The following FGD6 variants were observed in gnomAD, a reference collection of about 807,000 sequenced individuals.
FGD6 encodes the protein FYVE, RhoGEF and PH domain-containing protein 6.
In FGD6, 90 loss-of-function variants were observed where a neutral mutation model predicts 149.4. That is an observed-to-expected ratio of 0.60 (90% CI 0.51 to 0.72). FGD6 has a LOEUF of 0.72. Among genes scored for constraint, FGD6 ranks in the 30% least tolerant of loss-of-function variants. The probability of loss-of-function intolerance (pLI) is 0.00; values close to 1 mark genes in which losing one functional copy is unlikely to be tolerated. For synonymous variants in FGD6, 527 were observed against 584.0 expected (o/e 0.90, Z 1.41); for missense variants, 1,437 against 1,684.8 (o/e 0.85, Z 2.57).
intron 2 of FGD6, among the ~76,000 whole-genome samples, chr12:95,179,076 A>T (rs140515144): frequency 7.9e-5 from 12 of 152,314 alleles, no homozygotes; most frequent in Middle Eastern, 3.4e-3. Flanking sequence ...GCTTCAAATG[A>T]TGGATATTTT....
At chr12:95,087,426 C>A (rs1172224134) in intron 18 of FGD6, among the ~76,000 whole-genome samples, 1 of 152,174 alleles carries the variant, frequency 6.6e-6, no homozygotes, top group Admixed American at 6.5e-5. Flanking sequence ...TAGAAACTTT[C>A]TTCCTTGCTG....
At chr12:95,101,928 G>T (rs1878452205) in intron 14 of FGD6, among the ~76,000 whole-genome samples, 1 of 151,650 alleles carries the variant, frequency 6.6e-6, no homozygotes, top group South Asian at 2.1e-4. Flanking sequence ...TGATCCACCC[G>T]CCTCGGCCTC....
chr12:95,199,391 CA>C (rs1042441855), intron 2 of FGD6, among the ~76,000 whole-genome samples: 4 of 150,854 alleles, frequency 2.7e-5, no homozygotes, highest in African/African-American at 9.7e-5. Flanking sequence ...GATTACACAA[CA>C]AAAAAAAATC....
At chr12:95,132,693 A>G (rs61937891) in intron 8 of FGD6, among the ~76,000 whole-genome samples, 1,551 of 152,324 alleles carry the variant, frequency 0.01, 16 homozygotes, top group Non-Finnish European at 0.017. Flanking sequence ...CGGAGTTTGC[A>G]GTGAGCTGAG....
chr12:95,157,879 C>T (rs192693589), intron 3 of FGD6, among the ~76,000 whole-genome samples: 20 of 152,198 alleles, frequency 1.3e-4, no homozygotes, highest in Admixed American at 9.8e-4. Flanking sequence ...GACAGAGTCT[C>T]GTTCTGTCGC....
At chr12:95,149,921 A>G (rs1181224993) in intron 5 of FGD6, among the ~76,000 whole-genome samples, 4 of 147,154 alleles carry the variant, frequency 2.7e-5, no homozygotes, top group Non-Finnish European at 6.0e-5. Context: ...AATTATATAT[A>G]CAATACAAAG....
chr12:95,126,117 G>A lies in FGD6; in HGVS notation c.3082+8622C>T, dbSNP rs992198916. ...AGTTATGAAGGCAAAGAAAATGAGG[G>A]ACAGAATAATCAAGAATGAAGTTAA... On this transcript the variant is annotated intron_variant, in intron 8 of 20. Coordinates refer to ENST00000343958, the MANE Select transcript of FGD6 (RefSeq NM_018351.4). The A allele has an allele frequency of 2.4e-5, 25 of 1,049,132 alleles. No individual in the cohort carries two copies. The South Asian group carries it at 3.0e-4, about 13-fold the overall frequency. The allele number at this position is 1,049,132 out of a possible 1,614,324, so 65.0% of individuals were successfully genotyped here.
Position 95,186,225 on chromosome 12 carries a change from C to CTTTTTTTTTTTTTTTTTTTTTTTTTTT in FGD6, c.2442-13482_2442-13481insAAAAAAAAAAAAAAAAAAAAAAAAAAA, listed in dbSNP as rs1881428152. Among the ~76,000 whole-genome samples, 4 of 71,200 alleles carry CTTTTTTTTTTTTTTTTTTTTTTTTTTT rather than the reference C, an allele frequency of 5.6e-5. 2 individuals are homozygous for CTTTTTTTTTTTTTTTTTTTTTTTTTTT. The highest frequency in any genetic ancestry group is 9.6e-4 in the East Asian group (2 of 2,078). 46.7% of individuals were successfully genotyped at this position (71,200 alleles called of 152,430 possible). On this transcript the variant is annotated intron_variant, in intron 2 of 20. Coordinates refer to ENST00000343958, the MANE Select transcript of FGD6 (RefSeq NM_018351.4). Reference sequence around the variant, plus strand: ...AGCTAAGAATGCTTCTTATATTCTTCTTCTTTTTTTTTTTTTTTTTTTTTT... The same window carrying CTTTTTTTTTTTTTTTTTTTTTTTTTTT: ...AGCTAAGAATGCTTCTTATATTCTTCTTTTTTTTTTTTTTTTTTTTTTTTTTTTTCTTTTTTTTTTTTTTTTTTTTTT...
chr12:95,092,072 T>C (rs1290382006), intron 16 of FGD6, among the ~76,000 whole-genome samples: 2 of 152,188 alleles, frequency 1.3e-5, no homozygotes, highest in Non-Finnish European at 2.9e-5. Context: ...GCAGTTAATA[T>C]ATGCAAAATG....
chr12:95,152,283 G>A (rs575966416), intron 5 of FGD6, among the ~76,000 whole-genome samples: 4 of 152,002 alleles, frequency 2.6e-5, no homozygotes, highest in Non-Finnish European at 4.4e-5. Flanking sequence ...AGCTAAGATC[G>A]CACCACTGCA....
chr12:95,094,603 T>C lies in FGD6; in HGVS notation c.3589A>G (p.Ser1197Gly). ...GGAGAAAACAATACCTCATCAAGAC[T>C]CCTACTAGGACAGAAGGTGATTCTT... The part of the protein sequence containing the change: ...KKRITFCPSR[S>G]LDEADSENKE... The change falls in exon 15 of 21, where the codon AGT becomes GGT. Residue 1197 changes from serine to glycine, a missense_variant. Ser to Gly is a moderately conservative substitution (Grantham distance 56, BLOSUM62 0). Around this residue, in one of 2 missense-constraint regions of FGD6, gnomAD observed 382 missense variants for 538.7 expected, o/e 0.71. Coordinates refer to ENST00000343958, the MANE Select transcript of FGD6 (RefSeq NM_018351.4). The C allele has an allele frequency of 6.2e-7, 1 of 1,602,152 alleles. No homozygotes were observed. Among genetic ancestry groups the C allele is most frequent in the Non-Finnish European group, 8.5e-7 (1 of 1,172,726 alleles).
chr12:95,110,216 T>C (rs1029430081), intron 9 of FGD6, among the ~76,000 whole-genome samples: 7 of 152,044 alleles, frequency 4.6e-5, no homozygotes, highest in African/African-American at 1.7e-4. Context: ...GACCTCGTGA[T>C]CCGCCCGCCT....
At chr12:95,196,229 C>A (rs1402679599) in intron 2 of FGD6, among the ~76,000 whole-genome samples, 1 of 152,160 alleles carries the variant, frequency 6.6e-6, no homozygotes, top group East Asian at 1.9e-4. Flanking sequence ...TCTACAGAAG[C>A]CTGTTACATA....
At position 95,172,580 on chromosome 12, in the gene FGD6, A is replaced by C. The variant is rs773996339; in HGVS notation, c.2586+20T>G. On this transcript the variant is annotated intron_variant, in intron 3 of 20. Coordinates refer to ENST00000343958, the MANE Select transcript of FGD6 (RefSeq NM_018351.4). ...CAAGCATAGGGAGAGGTCAAGAAGC[A>C]ATTAAGTACCAAAGTATACCTGTTT... 8 of 1,554,128 alleles carry C rather than the reference A, an allele frequency of 5.1e-6. No individual in the cohort carries two copies. Among genetic ancestry groups the C allele is most frequent in the Non-Finnish European group, 5.3e-6 (6 of 1,142,782 alleles).
chr12:95,084,470 A>G, intron 20 of FGD6, 28 bp downstream of exon 20: 1 of 1,493,522 alleles, frequency 6.7e-7, no homozygotes, highest in Non-Finnish European at 8.9e-7. Flanking sequence ...TCTCATGAAT[A>G]AAAGAAAAAT....
At chr12:95,091,567 T>G in intron 17 of FGD6, 140 bp downstream of exon 17, 1 of 581,766 alleles carries the variant, frequency 1.7e-6, no homozygotes, top group Non-Finnish European at 2.9e-6. Context: ...AAAATATGAA[T>G]TAAGAAAGCT....
chr12:95,192,268 G>T (rs1881612149), intron 2 of FGD6, among the ~76,000 whole-genome samples: 1 of 152,258 alleles, frequency 6.6e-6, no homozygotes, highest in South Asian at 2.1e-4. Flanking sequence ...TATTTTTTAG[G>T]GGGGAAGCAG....
At chr12:95,167,964 A>G (rs1367562865) in intron 3 of FGD6, among the ~76,000 whole-genome samples, 1 of 152,142 alleles carries the variant, frequency 6.6e-6, no homozygotes, top group Non-Finnish European at 1.5e-5. Context: ...AGGGGGTCCA[A>G]TGTCATCCTT....
chr12:95,197,592 T>A, intron 2 of FGD6, among the ~76,000 whole-genome samples: 1 of 152,198 alleles, frequency 6.6e-6, no homozygotes, highest in East Asian at 1.9e-4. Flanking sequence ...CCTAAGTTAA[T>A]AAGGGTATTA....
Sources: gnomAD v4.1 joint callset for allele counts (sites outside exome capture counted in the v4.1 genomes callset) on GRCh38, gnomAD v4.1.1 for gene constraint, gnomAD v4.1.1 regional missense constraint, MANE v1.5 for transcripts, NCBI Gene and HGNC (gene_info 2026-07-23, HGNC 2026-07-21) for gene names.